The following MELK variants were observed in gnomAD, a reference collection of about 807,000 sequenced individuals.
MELK encodes maternal embryonic leucine zipper kinase.
A neutral mutation model predicts 85.0 loss-of-function variants in MELK; 81 were observed. The ratio of observed to expected loss-of-function variants is 0.95; its 90% CI spans 0.80 to 1.15. MELK has a LOEUF of 1.15. Among genes scored for constraint, MELK ranks in the 50% most tolerant of loss-of-function variants. The probability of loss-of-function intolerance (pLI) is 0.00; values close to 1 mark genes in which losing one functional copy is unlikely to be tolerated. For missense variants in MELK, 754 were observed against 777.5 expected (o/e 0.97, Z 0.36); for synonymous variants, 252 against 265.0 (o/e 0.95, Z 0.48).
intron 8 of MELK, among the ~76,000 whole-genome samples, chr9:36,608,301 AAAGG>A (rs1825758291): frequency 3.3e-5 from 5 of 150,304 alleles, no homozygotes. Context: ...AAAAAAAAAA[AAAGG>A]CACATTCACA....
intron 8 of MELK, among the ~76,000 whole-genome samples, chr9:36,608,733 C>T (rs1825804933): frequency 6.6e-6 from 1 of 152,082 alleles, no homozygotes; most frequent in Non-Finnish European, 1.5e-5. Flanking sequence ...AGGCATGTGC[C>T]ACCACGCCCG....
In MELK at chr9:36,627,336, A is replaced by G. The variant is rs1042702257; in HGVS notation, c.667-2963A>G. 6.6e-5 allele frequency among the ~76,000 whole-genome samples: 10 copies of G among 152,220 alleles called. 1 individual carries two copies. Among genetic ancestry groups the G allele is most frequent in the Admixed American group, 5.9e-4 (9 of 15,278 alleles). On this transcript the variant is annotated intron_variant, in intron 8 of 17. Coordinates refer to ENST00000298048, the MANE Select transcript of MELK (RefSeq NM_014791.4). ...TGAAAGTCCCAGAGAAGCATTGTCA[A>G]ACAATGAATCTAAAAAGAAAGGGTC...
chr9:36,591,017 A>G (rs1823485807), intron 4 of MELK, among the ~76,000 whole-genome samples: 2 of 152,138 alleles, frequency 1.3e-5, no homozygotes. Flanking sequence ...GCTTGAGTCC[A>G]GGAGTTTGAA....
intron 7 of MELK, 93 bp from the exon 8 acceptor site, chr9:36,607,482 C>T (rs368016682): frequency 2.8e-5 from 26 of 925,614 alleles, no homozygotes; most frequent in South Asian, 9.1e-5. Context: ...TTTAGCTTTG[C>T]GACAATTCTG....
chr9:36,585,753 A>G lies in MELK; in HGVS notation c.144+2041A>G, dbSNP rs1338903592. ...GGAGTTCGAGACTAGCCTGGGCAAT[A>G]TGGCAAGTCTTGTCCCTACAAAAAA... On this transcript the variant is annotated intron_variant, in intron 3 of 17. Transcript: ENST00000298048. Among the ~76,000 whole-genome samples the G allele has an allele frequency of 7.2e-5, 11 of 152,034 alleles. 1 individual carries two copies. Among genetic ancestry groups the G allele is most frequent in the Non-Finnish European group, 1.5e-5 (1 of 68,006 alleles).
chr9:36,611,031 C>T lies in MELK; in HGVS notation c.666+3358C>T, dbSNP rs1826010865. On this transcript the variant is annotated intron_variant, in intron 8 of 17. Coordinates refer to ENST00000298048, the MANE Select transcript of MELK (RefSeq NM_014791.4). ...AAAGGAAATGCTTACTGGAGCATTT[C>T]AGGTTTTGGATTTTCGGATTTGGCA... Among the ~76,000 whole-genome samples the T allele has an allele frequency of 1.3e-5, 2 of 152,122 alleles. 1 individual carries two copies. Among genetic ancestry groups the T allele is most frequent in the Admixed American group, 1.3e-4 (2 of 15,276 alleles).
rs143145300 is a variant in MELK, at chr9:36,627,346, C to G, written c.667-2953C>G. ...AGAGAAGCATTGTCAAACAATGAAT[C>G]TAAAAAGAAAGGGTCAAAAATCAGC... On this transcript the variant is annotated intron_variant, in intron 8 of 17. Coordinates refer to ENST00000298048, the MANE Select transcript of MELK (RefSeq NM_014791.4). Among the ~76,000 whole-genome samples, 288 of 152,174 alleles carry G rather than the reference C, an allele frequency of 1.9e-3. 1 individual carries two copies. Among genetic ancestry groups the G allele is most frequent in the Non-Finnish European group, 3.2e-3 (220 of 68,018 alleles).
chr9:36,606,483 G>A (rs1473759858), intron 7 of MELK, among the ~76,000 whole-genome samples: 1 of 137,316 alleles, frequency 7.3e-6, no homozygotes, highest in Non-Finnish European at 1.5e-5. Context: ...ATATACATAT[G>A]TATAGGTGTG....
Position 36,594,698 on chromosome 9 carries a change from T to C in MELK, c.332T>C (p.Val111Ala), listed in dbSNP as rs758752489. Residue 111 changes from valine to alanine, a missense_variant, in exon 5 of 18, where the codon GTT becomes GCT. By Grantham distance (64) the Val-to-Ala change is moderately conservative. Coordinates refer to ENST00000298048, the MANE Select transcript of MELK (RefSeq NM_014791.4). ...QDRLSEEETR[V>A]VFRQIVSAVA... is the part of the protein sequence containing the mutation. The stretch of plus-strand genomic sequence containing the variant: ...CGCCTGTCAGAAGAGGAGACCCGGG[T>C]TGTCTTCCGTCAGATAGTATCTGCT... 2 of 1,614,088 alleles carry C rather than the reference T, an allele frequency of 1.2e-6. No individual in the cohort carries two copies. The highest frequency in any genetic ancestry group is 1.1e-5 in the South Asian group (1 of 91,076).
At position 36,635,507 on chromosome 9, in the gene MELK, G is replaced by A. The variant is rs1317615171; in HGVS notation, c.834+2307G>A. Among the ~76,000 whole-genome samples the A allele has an allele frequency of 6.6e-5, 10 of 151,936 alleles. No homozygotes were observed. The South Asian group carries it at 1.0e-3, about 16-fold the overall frequency. ...TTGAACTCCTGACCTCAGGTGGTCC[G>A]CCTGCCTTGGCCTCCCAAAATGCTG... On this transcript the variant is annotated intron_variant, in intron 10 of 17. Transcript: ENST00000298048.
chr9:36,611,940 T>G (rs963892972), intron 8 of MELK, among the ~76,000 whole-genome samples: 2 of 151,944 alleles, frequency 1.3e-5, no homozygotes, highest in African/African-American at 2.4e-5. Flanking sequence ...GCCTGGCTAA[T>G]TTTTGTACTT....
intron 10 of MELK, among the ~76,000 whole-genome samples, chr9:36,641,285 G>C (rs552679674): frequency 1.3e-5 from 2 of 152,184 alleles, no homozygotes; most frequent in Non-Finnish European, 2.9e-5. Context: ...TGTACTAGGC[G>C]CTTGCTCTAT....
In MELK at chr9:36,674,852, A is replaced by G. The variant is rs1421068911; in HGVS notation, c.1693A>G (p.Thr565Ala). 6.3e-7 allele frequency: 1 copy of G among 1,583,664 alleles called. No homozygotes were observed. Among genetic ancestry groups the G allele is most frequent in the Non-Finnish European group, 8.7e-7 (1 of 1,153,392 alleles). Residue 565 changes from threonine (T) to alanine (A), a missense_variant, in exon 17 of 18, where the codon ACA (threonine) becomes GCA (alanine). Physicochemically the swap from Thr to Ala is moderately conservative, Grantham distance 58. Transcript: ENST00000298048. ...RRLKLHYNVT[T>A]TRLVNPDQLL... ...TTCTTAGCTTCACTATAACGTGACT[A>G]CAACTAGATTAGTGAATCCAGATCA...
chr9:36,644,995 G>A (rs1489775572), intron 11 of MELK, among the ~76,000 whole-genome samples: 5 of 152,150 alleles, frequency 3.3e-5, no homozygotes, highest in African/African-American at 7.2e-5. Flanking sequence ...TAAGCCGGGC[G>A]CGGTGGCTCA....
intron 3 of MELK, among the ~76,000 whole-genome samples, chr9:36,589,262 C>G (rs1395997450): frequency 6.6e-6 from 1 of 152,064 alleles, no homozygotes; most frequent in Non-Finnish European, 1.5e-5. Flanking sequence ...CATTCTCCTG[C>G]CTCAGCCTGC....
rs1822259579 is a variant in MELK at position 36,581,754 on chromosome 9, T to C, written c.58+15T>C. ...TATTGGGACAGGTAATTGTTATTTTTTTTTGGAGGCAGTGGATAGATCAAC... is the reference window on the plus strand; with the variant it reads ...TATTGGGACAGGTAATTGTTATTTTCTTTTGGAGGCAGTGGATAGATCAAC... On this transcript the variant is annotated intron_variant, in intron 2 of 17. Transcript: ENST00000298048. 1 of 1,580,318 alleles carries C rather than the reference T, an allele frequency of 6.3e-7. No individual in the cohort carries two copies. Among genetic ancestry groups the C allele is most frequent in the African/African-American group, 1.4e-5 (1 of 73,938 alleles).
In MELK at chr9:36,630,069, T is replaced by C. The variant is rs1211323972; in HGVS notation, c.667-230T>C. On this transcript the variant is annotated intron_variant, in intron 8 of 17. Coordinates refer to ENST00000298048, the MANE Select transcript of MELK (RefSeq NM_014791.4). Reference sequence around the variant, plus strand: ...CACGTTGGCCAGGCTGGTCTTGAACTCCTGATCTCAGGTGATCTGCCCGCT... The same window carrying C: ...CACGTTGGCCAGGCTGGTCTTGAACCCCTGATCTCAGGTGATCTGCCCGCT... The C allele has an allele frequency of 8.9e-6, 4 of 450,266 alleles. No individual in the cohort carries two copies. In the East Asian group the frequency reaches 1.1e-4, roughly 13 times the overall value. The allele number at this position is 450,266 out of a possible 1,614,324, so 27.9% of individuals were successfully genotyped here. A position where few individuals can be genotyped will look rare whatever the true frequency, so the allele number is the denominator to read the frequency against.
chr9:36,621,485 A>G, intron 8 of MELK, among the ~76,000 whole-genome samples: 1 of 152,028 alleles, frequency 6.6e-6, no homozygotes, highest in Non-Finnish European at 1.5e-5. Flanking sequence ...TACTTCTTTT[A>G]GACCAAGAAA....
chr9:36,575,727 A>G (rs1174068453), intron 1 of MELK, among the ~76,000 whole-genome samples: 1 of 152,202 alleles, frequency 6.6e-6, no homozygotes, highest in Non-Finnish European at 1.5e-5. Flanking sequence ...GGAGAAGTCT[A>G]TTAAGTTAAT....
Sources: allele counts gnomAD v4.1 joint callset (sites outside exome capture counted in the v4.1 genomes callset), GRCh38; gene constraint gnomAD v4.1.1; transcripts MANE v1.5; gene names NCBI Gene and HGNC (gene_info 2026-07-23, HGNC 2026-07-21).